The following ATF1 variants were observed in gnomAD, a reference collection of about 807,000 sequenced individuals.
The protein encoded by ATF1 is cyclic AMP-dependent transcription factor ATF-1.
A neutral mutation model predicts 34.7 loss-of-function variants in ATF1; 16 were observed. The observed-to-expected ratio is 0.46, with a 90% CI of 0.31 to 0.70. The LOEUF is 0.70. Among genes scored for constraint, ATF1 ranks in the 30% least tolerant of loss-of-function variants. The pLI, the probability that ATF1 is intolerant of heterozygous loss-of-function variation, is 0.05. For missense variants in ATF1, 255 were observed against 321.6 expected, an observed-to-expected ratio of 0.79 and a Z score of 1.58; for synonymous variants, 105 against 113.1, an observed-to-expected ratio of 0.93 and a Z score of 0.46.
At chr12:50,815,552 A>AT (rs34472221) in intron 6 of ATF1, among the ~76,000 whole-genome samples, 34,955 of 144,254 alleles carry the variant, frequency 0.24, 4,632 homozygotes, top group East Asian at 0.4. Flanking sequence ...CACCCAGCTA[A>AT]TTTTTTTTTT....
chr12:50,772,901 G>A (rs1940812283), intron 1 of ATF1, among the ~76,000 whole-genome samples: 1 of 152,062 alleles, frequency 6.6e-6, no homozygotes, highest in Non-Finnish European at 1.5e-5. Flanking sequence ...TGTTCTTCCT[G>A]ATGCTCTCCC....
At chr12:50,809,732 G>A (rs1278872679) in intron 4 of ATF1, 143 bp downstream of exon 4, 5 of 922,224 alleles carry the variant, frequency 5.4e-6, no homozygotes, top group South Asian at 2.3e-5. Context: ...GCGAAGTACT[G>A]TTTCAGCATT....
chr12:50,798,180 G>T (rs1010775297), intron 3 of ATF1, among the ~76,000 whole-genome samples: 2 of 151,966 alleles, frequency 1.3e-5, no homozygotes, highest in African/African-American at 4.8e-5. Context: ...CTACTTAAGT[G>T]TATACTTCAG....
chr12:50,763,855 C>T (rs1940552193), upstream of ATF1: 1 of 152,138 alleles, frequency 6.6e-6, no homozygotes, highest in African/African-American at 2.4e-5. Context: ...TAAGGAGAAA[C>T]GGAACCGCAG....
chr12:50,770,193 C>T (rs962314848), intron 1 of ATF1, among the ~76,000 whole-genome samples: 1 of 152,156 alleles, frequency 6.6e-6, no homozygotes, highest in Non-Finnish European at 1.5e-5. Context: ...TAATTATTTG[C>T]ATAAGTGCAA....
At chr12:50,813,479 C>T (rs1050024827) in intron 4 of ATF1, among the ~76,000 whole-genome samples, 4 of 152,138 alleles carry the variant, frequency 2.6e-5, no homozygotes, top group South Asian at 2.1e-4. Context: ...CTCAAAATTA[C>T]AAACTATGTT....
intron 1 of ATF1, among the ~76,000 whole-genome samples, chr12:50,765,145 C>T (rs557186000): frequency 6.6e-6 from 1 of 152,290 alleles, no homozygotes; most frequent in African/African-American, 2.4e-5. Context: ...CTTTGAGAAC[C>T]TTTAGGGTTC....
chr12:50,819,647 A>G lies in ATF1; in HGVS notation c.684A>G (p.Arg228=). ...TGCTCATATTTAGAGAAGCTGCTCGAGAATGTCGCAGAAAGAAGAAAGAAT... is the reference window on the plus strand; with the variant it reads ...TGCTCATATTTAGAGAAGCTGCTCGGGAATGTCGCAGAAAGAAGAAAGAAT... ...IRLMKNREAA[R]ECRRKKKEYV... is the part of the protein sequence containing the mutation. Residue 228 remains arginine (R), a synonymous_variant, in exon 7 of 7, where the codon CGA becomes CGG. Coordinates refer to ENST00000262053, the MANE Select transcript of ATF1 (RefSeq NM_005171.5). The G allele has an allele frequency of 6.2e-7, 1 of 1,612,724 alleles. No homozygotes were observed. The highest frequency in any genetic ancestry group is 8.5e-7 in the Non-Finnish European group (1 of 1,179,708).
In ATF1 at chr12:50,809,233, G is replaced by T. The variant is rs150027229; in HGVS notation, c.195-223G>T. Among the ~76,000 whole-genome samples, 7 of 152,040 alleles carry T rather than the reference G, an allele frequency of 4.6e-5. No individual in the cohort carries two copies. In the East Asian group the frequency reaches 1.4e-3, roughly 30 times the overall value. On this transcript the variant is annotated intron_variant, in intron 3 of 6. Coordinates refer to ENST00000262053, the MANE Select transcript of ATF1 (RefSeq NM_005171.5). ...TACTGAAAATACAAAAATTAGCTGG[G>T]TGTGGTGGCTCACACTTCTGGTCTC...
At chr12:50,806,102 G>T (rs1941610605) in intron 3 of ATF1, among the ~76,000 whole-genome samples, 1 of 149,794 alleles carries the variant, frequency 6.7e-6, no homozygotes, top group Admixed American at 6.7e-5. Flanking sequence ...ATTGAGCCGA[G>T]ATTGCACCAC....
chr12:50,812,592 G>A (rs529823878), intron 4 of ATF1, among the ~76,000 whole-genome samples: 210 of 152,288 alleles, frequency 1.4e-3, no homozygotes, highest in African/African-American at 4.9e-3. Context: ...TGCACTTTGG[G>A]AGGCCAAAGT....
rs1941928223 is a variant in ATF1, at chr12:50,820,453, C to CTGTT, written c.*676_*679dup. On this transcript the variant is annotated 3_prime_UTR_variant, in exon 7 of 7. Coordinates refer to ENST00000262053, the MANE Select transcript of ATF1 (RefSeq NM_005171.5). ...ATTTTTTATCAGAATGGAAAAAGAA[C>CTGTT]TGTTTAAAAGTTTGATACTTTTAAA... 1 of 183,522 alleles carries CTGTT rather than the reference C, an allele frequency of 5.4e-6. No individual in the cohort carries two copies. The highest frequency in any genetic ancestry group is 1.2e-5 in the Non-Finnish European group (1 of 86,058). 11.4% of individuals were successfully genotyped at this position (183,522 alleles called of 1,614,324 possible).
At chr12:50,772,318 C>CTTTTTTTTTTTTTTTTTTTTTTT (rs71086475) in intron 1 of ATF1, among the ~76,000 whole-genome samples, 3 of 116,032 alleles carry the variant, frequency 2.6e-5, no homozygotes, top group Non-Finnish European at 1.9e-5. Flanking sequence ...TGCTCCATTC[C>CTTTTTTTTTTTTTTTTTTTTTTT]TTTTTTTTTT....
chr12:50,799,862 G>A (rs555516389), intron 3 of ATF1, among the ~76,000 whole-genome samples: 4 of 152,188 alleles, frequency 2.6e-5, no homozygotes, highest in South Asian at 2.1e-4. Flanking sequence ...CGACCTGTGC[G>A]ACAATAATTA....
intron 6 of ATF1, among the ~76,000 whole-genome samples, chr12:50,815,571 T>C (rs1340290851): frequency 6.6e-6 from 1 of 150,446 alleles, no homozygotes; most frequent in Admixed American, 6.6e-5. Context: ...TTTTTTCTTG[T>C]AGAGGTGGGG....
At chr12:50,787,397 T>A (rs1941207108) in intron 2 of ATF1, among the ~76,000 whole-genome samples, 1 of 152,090 alleles carries the variant, frequency 6.6e-6, no homozygotes, top group South Asian at 2.1e-4. Context: ...GCTGGGGAAT[T>A]TCAGCAGAGG....
intron 6 of ATF1, among the ~76,000 whole-genome samples, chr12:50,818,472 C>T (rs1941886337): frequency 6.6e-6 from 1 of 152,126 alleles, no homozygotes; most frequent in Non-Finnish European, 1.5e-5. Flanking sequence ...AACAAACAAA[C>T]AGAGCTTAAA....
At chr12:50,774,937 CG>C in intron 1 of ATF1, among the ~76,000 whole-genome samples, 1 of 151,714 alleles carries the variant, frequency 6.6e-6, no homozygotes, top group Non-Finnish European at 1.5e-5. Context: ...TTAGTAGAGA[CG>C]GAGTTTCACC....
chr12:50,812,748 C>A (rs972188195), intron 4 of ATF1, among the ~76,000 whole-genome samples: 1 of 151,936 alleles, frequency 6.6e-6, no homozygotes, highest in Non-Finnish European at 1.5e-5. Context: ...TGCTTGAGCC[C>A]AGGAGGTAGA....
Sources: gnomAD v4.1 joint callset for allele counts (sites outside exome capture counted in the v4.1 genomes callset) on GRCh38, gnomAD v4.1.1 for gene constraint, MANE v1.5 for transcripts, NCBI Gene and HGNC (gene_info 2026-07-23, HGNC 2026-07-21) for gene names.